NBAS: variants seen among roughly 807,000 people sequenced by gnomAD.
NBAS encodes NBAS subunit of NRZ tethering complex.
Under a neutral mutation model 302.5 loss-of-function variants are expected in NBAS, and 219 were observed. The ratio of observed to expected loss-of-function variants is 0.72; its 90% CI spans 0.65 to 0.81. NBAS has a LOEUF of 0.81. Ranked by LOEUF, NBAS falls within the 30% of genes least tolerant of loss-of-function variation. The pLI is 0.00. For synonymous variants in NBAS, 1,118 were observed against 1,021.6 expected (o/e 1.09, Z -1.80); for missense variants, 2,932 against 2,841.6 (o/e 1.03, Z -0.72).
At chr2:15,465,505 G>C (rs1679685253) in intron 19 of NBAS, among the ~76,000 whole-genome samples, 1 of 152,098 alleles carries the variant, frequency 6.6e-6, no homozygotes, top group Non-Finnish European at 1.5e-5. Flanking sequence ...TTGCGTTTAG[G>C]AGGCATTCAT....
intron 32 of NBAS, among the ~76,000 whole-genome samples, chr2:15,364,199 T>C (rs1674080934): frequency 6.6e-6 from 1 of 152,118 alleles, no homozygotes; most frequent in Non-Finnish European, 1.5e-5. Flanking sequence ...TAAAATACAC[T>C]GGAAATGAAG....
intron 21 of NBAS, among the ~76,000 whole-genome samples, chr2:15,436,716 A>T (rs2148502608): frequency 6.6e-6 from 1 of 152,252 alleles, no homozygotes; most frequent in South Asian, 2.1e-4. Context: ...AGCTTATCAG[A>T]CTTTCTTCCA....
At chr2:15,523,287 G>A (rs1184847670) in intron 9 of NBAS, among the ~76,000 whole-genome samples, 1 of 152,138 alleles carries the variant, frequency 6.6e-6, no homozygotes, top group Non-Finnish European at 1.5e-5. Context: ...CATAGCCATG[G>A]GTTCTGCACA....
At chr2:15,211,031 G>A (rs369115053) in intron 48 of NBAS, among the ~76,000 whole-genome samples, 1 of 152,028 alleles carries the variant, frequency 6.6e-6, no homozygotes, top group East Asian at 1.9e-4. Flanking sequence ...GAAAAAAAGA[G>A]TTAGAATAAA....
At chr2:15,461,565 C>G in intron 20 of NBAS, 122 bp downstream of exon 20, 1 of 767,724 alleles carries the variant, frequency 1.3e-6, no homozygotes, top group South Asian at 1.8e-5. Flanking sequence ...TTTCTCTACA[C>G]TTATTAATAT....
chr2:15,367,784 T>C (rs967045101), intron 31 of NBAS, among the ~76,000 whole-genome samples: 7 of 152,168 alleles, frequency 4.6e-5, no homozygotes, highest in Admixed American at 3.9e-4. Context: ...ATGGGCTTTT[T>C]TGGGGAAGGT....
In NBAS at chr2:15,511,342, A is replaced by C. The variant is rs753928582; in HGVS notation, c.755T>G (p.Leu252Arg). 6.8e-6 allele frequency: 11 copies of C among 1,614,012 alleles called. No homozygotes were observed. Among genetic ancestry groups the C allele is most frequent in the Non-Finnish European group, 9.3e-6 (11 of 1,179,934 alleles). The change falls in exon 10 of 52, where the codon CTT (leucine) becomes CGT (arginine). Residue 252 changes from leucine (L) to arginine (R), a missense_variant. Leu to Arg is a moderately radical substitution (Grantham distance 102, BLOSUM62 -2). Transcript: ENST00000281513. ...TTCAGCAGTTTCACATCCACCAACA[A>C]GTAAAAGTCTAAAAAGGAGAAAATT... is the stretch of plus-strand genomic sequence containing the variant. The part of the protein sequence containing the change: ...AIYHPGHRLL[L>R]VGGCETAEVG...
intron 11 of NBAS, among the ~76,000 whole-genome samples, chr2:15,496,609 GAGA>G (rs1447675163): frequency 1.3e-5 from 2 of 151,754 alleles, no homozygotes; most frequent in Non-Finnish European, 2.9e-5. Context: ...GAGAGGGAGG[GAGA>G]AGGAGAGGCA....
intron 7 of NBAS, among the ~76,000 whole-genome samples, chr2:15,537,528 A>G (rs1445088167): frequency 6.6e-6 from 1 of 152,162 alleles, no homozygotes. Context: ...CTGTAATCCC[A>G]ACACATTGAG....
intron 7 of NBAS, among the ~76,000 whole-genome samples, chr2:15,537,667 C>T (rs959321922): frequency 2.6e-5 from 4 of 152,080 alleles, no homozygotes; most frequent in Non-Finnish European, 5.9e-5. Flanking sequence ...ATTATCATTA[C>T]ACCACTGTGC....
chr2:14,894,390 C>T, the NBAS span, among the ~76,000 whole-genome samples: 4 of 152,018 alleles, frequency 2.6e-5, no homozygotes, highest in East Asian at 7.7e-4. Flanking sequence ...AATATAGAAA[C>T]CTGGAACTGA....
chr2:15,322,483 A>T (rs1671857168), intron 38 of NBAS, among the ~76,000 whole-genome samples: 1 of 152,204 alleles, frequency 6.6e-6, no homozygotes, highest in Non-Finnish European at 1.5e-5. Context: ...GTGCCTCTGG[A>T]AAGCACTCAG....
At chr2:15,335,897 G>A (rs1328531392) in intron 35 of NBAS, among the ~76,000 whole-genome samples, 2 of 151,896 alleles carry the variant, frequency 1.3e-5, no homozygotes, top group Non-Finnish European at 2.9e-5. Context: ...GAGATCTCCA[G>A]CCTGGCAACA....
At chr2:15,306,076 T>C (rs1041148950) in intron 40 of NBAS, among the ~76,000 whole-genome samples, 7 of 152,252 alleles carry the variant, frequency 4.6e-5, no homozygotes, top group African/African-American at 1.4e-4. Flanking sequence ...TATTTGGCAC[T>C]TGTGTACACA....
At chr2:15,518,868 T>C (rs1662530220) in intron 9 of NBAS, among the ~76,000 whole-genome samples, 1 of 152,122 alleles carries the variant, frequency 6.6e-6, no homozygotes, top group Admixed American at 6.5e-5. Flanking sequence ...CTCCCATTTT[T>C]TTAAAATCAT....
At chr2:15,362,489 CA>C (rs1337057939) in intron 32 of NBAS, among the ~76,000 whole-genome samples, 5 of 152,044 alleles carry the variant, frequency 3.3e-5, no homozygotes, top group African/African-American at 1.2e-4. Flanking sequence ...GCCTGGGCAA[CA>C]GAGCAAGAGT....
the NBAS span, among the ~76,000 whole-genome samples, chr2:15,084,039 G>T: frequency 6.6e-6 from 1 of 150,522 alleles, no homozygotes; most frequent in South Asian, 2.1e-4. Context: ...CTGAACAATT[G>T]CTTTTTTTTT....
At chr2:15,169,315 A>C (rs929236968) in intron 51 of NBAS, among the ~76,000 whole-genome samples, 4 of 152,164 alleles carry the variant, frequency 2.6e-5, no homozygotes, top group Non-Finnish European at 5.9e-5. Context: ...AGAAAAAGCC[A>C]CCGGTTCAAT....
the NBAS span, among the ~76,000 whole-genome samples, chr2:14,946,159 T>G: frequency 1.3e-5 from 2 of 152,092 alleles, no homozygotes; most frequent in African/African-American, 4.8e-5. Flanking sequence ...AGTAAAAAGT[T>G]TATCAAGGGG....
Sources: allele counts gnomAD v4.1 joint callset (sites outside exome capture counted in the v4.1 genomes callset), GRCh38; gene constraint gnomAD v4.1.1; transcripts MANE v1.5; gene names NCBI Gene and HGNC (gene_info 2026-07-23, HGNC 2026-07-21).